TOP6BL: variants seen among roughly 807,000 people sequenced by gnomAD.
TOP6BL encodes the protein TOP6B like initiator of meiotic double strand breaks.
chr11:66,829,941 A>C, the TOP6BL span, among the ~76,000 whole-genome samples: 2 of 152,332 alleles, frequency 1.3e-5, no homozygotes, highest in South Asian at 4.1e-4. Context: ...TAATAGAACT[A>C]TAAGGAGAAA....
chr11:66,825,616 T>C, the TOP6BL span, among the ~76,000 whole-genome samples: 4,300 of 152,234 alleles, frequency 0.028, 198 homozygotes, highest in African/African-American at 0.098. Flanking sequence ...GCTGGCACTT[T>C]AATTTCAGAT....
At chr11:66,787,551 CAAA>C in the TOP6BL span, among the ~76,000 whole-genome samples, 5 of 92,098 alleles carry the variant, frequency 5.4e-5, no homozygotes, top group Non-Finnish European at 4.7e-5. Context: ...ATTAAAAATA[CAAA>C]AAAAAAAAAA....
chr11:66,771,395 A>G, the TOP6BL span: 3 of 152,130 alleles, frequency 2.0e-5, no homozygotes, highest in Admixed American at 1.3e-4. Flanking sequence ...TGGGCGGATC[A>G]TGAGGTCAGG....
chr11:66,813,831 A>G, the TOP6BL span: 6 of 1,595,346 alleles, frequency 3.8e-6, no homozygotes, highest in Non-Finnish European at 5.2e-6. Context: ...GTCATAAGAT[A>G]CTAAAATTTG....
chr11:66,750,346 G>A, the TOP6BL span, among the ~76,000 whole-genome samples: 9 of 152,042 alleles, frequency 5.9e-5, no homozygotes, highest in African/African-American at 2.2e-4. Context: ...TCAGGGGTTC[G>A]AGATCAGCTG....
the TOP6BL span, chr11:66,757,995 TC>T: frequency 3.2e-6 from 1 of 310,604 alleles, no homozygotes; most frequent in East Asian, 1.7e-4. Flanking sequence ...TCACTCTAGT[TC>T]CGTGATTCTC....
chr11:66,809,939 A>G, the TOP6BL span, among the ~76,000 whole-genome samples: 1 of 152,194 alleles, frequency 6.6e-6, no homozygotes, highest in Admixed American at 6.6e-5. Context: ...AATGAAAACT[A>G]TAAACCTGCA....
the TOP6BL span, among the ~76,000 whole-genome samples, chr11:66,789,583 A>C: frequency 6.6e-6 from 1 of 152,226 alleles, no homozygotes; most frequent in Non-Finnish European, 1.5e-5. Context: ...TCAGCTCTGA[A>C]ACTATTCATG....
At chr11:66,749,890 T>TA in the TOP6BL span, among the ~76,000 whole-genome samples, 36 of 152,162 alleles carry the variant, frequency 2.4e-4, no homozygotes, top group East Asian at 4.6e-3. Context: ...TGTTTATATA[T>TA]TTTTTTTGGG....
At chr11:66,758,047 G>C in the TOP6BL span, 1 of 718,316 alleles carries the variant, frequency 1.4e-6, no homozygotes, top group Non-Finnish European at 1.7e-6. Flanking sequence ...TTTTCTGAGG[G>C]ATAGATATAT....
chr11:66,842,852 C>G, the TOP6BL span: 7 of 1,565,254 alleles, frequency 4.5e-6, no homozygotes, highest in South Asian at 5.9e-5. Context: ...CTCCTAGATA[C>G]CAGCGGGCAA....
At chr11:66,771,024 C>T in the TOP6BL span, among the ~76,000 whole-genome samples, 1 of 152,038 alleles carries the variant, frequency 6.6e-6, no homozygotes, top group African/African-American at 2.4e-5. Flanking sequence ...TGGGGTTGTT[C>T]AGTACTCTTA....
At chr11:66,801,307 C>A in the TOP6BL span, 1 of 585,742 alleles carries the variant, frequency 1.7e-6, no homozygotes, top group Non-Finnish European at 3.0e-6. Context: ...TTCTAAATGA[C>A]CTGAAGACAT....
the TOP6BL span, chr11:66,814,143 G>C: frequency 2.7e-6 from 3 of 1,091,468 alleles, no homozygotes; most frequent in Non-Finnish European, 3.9e-6. Context: ...TTGGGGTTTG[G>C]GGGTCAGGGT....
At chr11:66,821,756 G>C in the TOP6BL span, 2 of 1,613,118 alleles carry the variant, frequency 1.2e-6, no homozygotes, top group East Asian at 4.5e-5. Flanking sequence ...ACATCACCAG[G>C]CTGCCAAGGT....
At chr11:66,748,242 TA>T in the TOP6BL span, 1 of 692,814 alleles carries the variant, frequency 1.4e-6, no homozygotes, top group Non-Finnish European at 2.3e-6. Flanking sequence ...TGAACAAACC[TA>T]AATCTGACAT....
chr11:66,754,729 G>A, the TOP6BL span, among the ~76,000 whole-genome samples: 1 of 152,132 alleles, frequency 6.6e-6, no homozygotes, highest in Non-Finnish European at 1.5e-5. Flanking sequence ...AGAAAAGGGG[G>A]TATTGGGTAT....
the TOP6BL span, chr11:66,843,313 C>T: frequency 3.4e-5 from 53 of 1,545,706 alleles, no homozygotes; most frequent in Non-Finnish European, 4.2e-5. Context: ...AAAGCTGCCG[C>T]GCGCTCACCA....
the TOP6BL span, chr11:66,843,328 C>G: frequency 1.3e-6 from 2 of 1,504,180 alleles, no homozygotes; most frequent in Admixed American, 2.2e-5. Context: ...TCACCAAGTC[C>G]TCTTCCGCGT....
Sources: allele counts gnomAD v4.1 joint callset (sites outside exome capture counted in the v4.1 genomes callset), GRCh38; gene constraint gnomAD v4.1.1; transcripts MANE v1.5; gene names NCBI Gene and HGNC (gene_info 2026-07-23, HGNC 2026-07-21).